TRIM2: variants seen among roughly 807,000 people sequenced by gnomAD.
TRIM2 encodes tripartite motif containing 2, also known as tripartite motif-containing protein 2.
A neutral mutation model predicts 75.2 loss-of-function variants in TRIM2; 20 were observed. The ratio of observed to expected loss-of-function variants is 0.27; its 90% CI spans 0.19 to 0.39. TRIM2 has a LOEUF of 0.39. TRIM2 is among the 10% of genes least tolerant of loss of function. The pLI is 1.00. For missense variants in TRIM2, 660 were observed against 990.8 expected (o/e 0.67, Z 4.48); for synonymous variants, 373 against 388.3 (o/e 0.96, Z 0.46).
chr4:153,206,088 A>T (rs979456643), intron 1 of TRIM2, among the ~76,000 whole-genome samples: 3 of 152,172 alleles, frequency 2.0e-5, no homozygotes, highest in Non-Finnish European at 1.5e-5. Flanking sequence ...CACAAATCCC[A>T]TTTGGTCAGG....
At chr4:153,207,728 C>G (rs1735866802) in intron 1 of TRIM2, among the ~76,000 whole-genome samples, 2 of 152,338 alleles carry the variant, frequency 1.3e-5, no homozygotes, top group African/African-American at 2.4e-5. Context: ...GGCTGGACAT[C>G]AGCGTTCTGG....
At chr4:153,194,139 T>C (rs1343180655) in intron 1 of TRIM2, among the ~76,000 whole-genome samples, 1 of 152,116 alleles carries the variant, frequency 6.6e-6, no homozygotes, top group African/African-American at 2.4e-5. Flanking sequence ...CCTAAGTATA[T>C]GTAATTTAAG....
chr4:153,330,642 G>A (rs1771261340), intron 11 of TRIM2, among the ~76,000 whole-genome samples: 1 of 152,130 alleles, frequency 6.6e-6, no homozygotes. Context: ...CATATCAATT[G>A]ACACTGAAAA....
intron 1 of TRIM2, among the ~76,000 whole-genome samples, chr4:153,220,975 G>A (rs902380966): frequency 2.0e-5 from 3 of 152,034 alleles, no homozygotes; most frequent in South Asian, 2.1e-4. Flanking sequence ...ATGACCCAGT[G>A]ATTTCACTCC....
At chr4:153,242,203 C>T (rs573861835) in intron 1 of TRIM2, among the ~76,000 whole-genome samples, 2 of 152,296 alleles carry the variant, frequency 1.3e-5, no homozygotes, top group Admixed American at 6.5e-5. Context: ...GATGTAACTC[C>T]GCTCTTACAT....
chr4:153,246,036 G>T (rs1007632865), intron 1 of TRIM2, among the ~76,000 whole-genome samples: 1 of 152,124 alleles, frequency 6.6e-6, no homozygotes, highest in Non-Finnish European at 1.5e-5. Context: ...CAGTTGCAAC[G>T]GATACTGTAT....
intron 1 of TRIM2, among the ~76,000 whole-genome samples, chr4:153,253,865 A>G (rs1452978080): frequency 6.6e-6 from 1 of 152,196 alleles, no homozygotes; most frequent in Non-Finnish European, 1.5e-5. Flanking sequence ...GCATATCATC[A>G]AGAAATAACC....
chr4:153,305,741 C>T (rs1189102393), intron 6 of TRIM2, among the ~76,000 whole-genome samples: 2 of 152,222 alleles, frequency 1.3e-5, no homozygotes, highest in African/African-American at 4.8e-5. Context: ...CATGAGGGCT[C>T]TGCCCTCACA....
intron 1 of TRIM2, among the ~76,000 whole-genome samples, chr4:153,251,036 C>G (rs1578988128): frequency 1.3e-5 from 2 of 152,190 alleles, no homozygotes; most frequent in East Asian, 3.8e-4. Flanking sequence ...GGAACTGGGT[C>G]AGCTGGTTCC....
intron 3 of TRIM2, among the ~76,000 whole-genome samples, chr4:153,285,568 C>T (rs1274348871): frequency 6.6e-6 from 1 of 152,206 alleles, no homozygotes; most frequent in African/African-American, 2.4e-5. Context: ...AGCAATCCTC[C>T]TGCCTCAGCC....
chr4:153,168,073 A>G (rs1354433105), intron 1 of TRIM2, among the ~76,000 whole-genome samples: 1 of 152,228 alleles, frequency 6.6e-6, no homozygotes, highest in African/African-American at 2.4e-5. Context: ...CCAGCTACTT[A>G]TAAGTAAACA....
chr4:153,222,077 G>A (rs569988952), intron 1 of TRIM2, among the ~76,000 whole-genome samples: 12 of 103,340 alleles, frequency 1.2e-4, no homozygotes, highest in African/African-American at 4.3e-4. Context: ...AGGAAAGAAA[G>A]AGAGAGAGAG....
At chr4:153,290,392 C>G (rs1761596522) in intron 3 of TRIM2, among the ~76,000 whole-genome samples, 1 of 152,174 alleles carries the variant, frequency 6.6e-6, no homozygotes, top group Non-Finnish European at 1.5e-5. Flanking sequence ...GTAAAATACA[C>G]AAATGCAACC....
intron 6 of TRIM2, among the ~76,000 whole-genome samples, chr4:153,305,530 G>T (rs532403782): frequency 6.6e-6 from 1 of 152,294 alleles, no homozygotes; most frequent in East Asian, 1.9e-4. Flanking sequence ...AATTGTATTT[G>T]GCTCATGGTT....
chr4:153,313,703 G>A lies in TRIM2; in HGVS notation c.1511-1782G>A, dbSNP rs188655757. Among the ~76,000 whole-genome samples, 82 of 137,110 alleles carry A rather than the reference G, an allele frequency of 6.0e-4. 2 individuals carry two copies. The highest frequency in any genetic ancestry group is 2.2e-3 in the African/African-American group (78 of 35,306). 89.9% of individuals were successfully genotyped at this position (137,110 alleles called of 152,430 possible). Reference sequence around the variant, plus strand: ...GCTAGAGTGCAGTGGTGTGATCTCAGTTCACTGCAACCTCCACCTCCCATG... The same window carrying A: ...GCTAGAGTGCAGTGGTGTGATCTCAATTCACTGCAACCTCCACCTCCCATG... On this transcript the variant is annotated intron_variant, in intron 6 of 11. Coordinates refer to ENST00000338700, the MANE Select transcript of TRIM2 (RefSeq NM_015271.5).
At chr4:153,233,245 C>T (rs573879345) in intron 1 of TRIM2, among the ~76,000 whole-genome samples, 4 of 151,918 alleles carry the variant, frequency 2.6e-5, no homozygotes, top group Admixed American at 1.3e-4. Context: ...AGAAGAGGGA[C>T]GACTGGGAGA....
intron 1 of TRIM2, among the ~76,000 whole-genome samples, chr4:153,249,262 T>C (rs1033472847): frequency 6.6e-6 from 1 of 152,242 alleles, no homozygotes; most frequent in African/African-American, 2.4e-5. Flanking sequence ...GGGACCCGCC[T>C]TCTTTTCTTC....
chr4:153,286,070 C>T (rs1760559593), intron 3 of TRIM2, among the ~76,000 whole-genome samples: 2 of 152,018 alleles, frequency 1.3e-5, no homozygotes, highest in African/African-American at 4.8e-5. Flanking sequence ...AATGCTTTTC[C>T]CACATTAATT....
chr4:153,152,742 G>T (rs1428347930), upstream of TRIM2: 1 of 152,106 alleles, frequency 6.6e-6, no homozygotes, highest in Non-Finnish European at 1.5e-5. Flanking sequence ...CCGATACCCA[G>T]AAATCCAGTA....
Sources: allele counts gnomAD v4.1 joint callset (sites outside exome capture counted in the v4.1 genomes callset), GRCh38; gene constraint gnomAD v4.1.1; transcripts MANE v1.5; gene names NCBI Gene and HGNC (gene_info 2026-07-23, HGNC 2026-07-21).